The following LRRTM3 variants were observed in gnomAD, a reference collection of about 807,000 sequenced individuals.
LRRTM3 encodes the protein leucine-rich repeat transmembrane neuronal protein 3.
A neutral mutation model predicts 44.7 loss-of-function variants in LRRTM3; 24 were observed. The ratio of observed to expected loss-of-function variants is 0.54; its 90% confidence interval spans 0.39 to 0.76. The LOEUF is 0.76. Among genes scored for constraint, LRRTM3 ranks in the 30% least tolerant of loss-of-function variants. LRRTM3 has a pLI of 0.00. For missense variants in LRRTM3, 587 were observed against 702.2 expected (o/e 0.84, Z 1.85); for synonymous variants, 277 against 278.7 (o/e 0.99, Z 0.06).
At chr10:67,046,365 C>T (rs1239385133) in intron 2 of LRRTM3, among the ~76,000 whole-genome samples, 1 of 152,144 alleles carries the variant, frequency 6.6e-6, no homozygotes, top group East Asian at 1.9e-4. Context: ...TGTGAGCGAA[C>T]AGCTTTTGAT....
rs553662478 is a variant in LRRTM3 at position 66,983,409 on chromosome 10, G to A, written c.1536+54957G>A. Among the ~76,000 whole-genome samples, 14 of 152,078 alleles carry A rather than the reference G, an allele frequency of 9.2e-5. No individual in the cohort carries two copies. In the South Asian group the frequency reaches 1.2e-3, roughly 14 times the overall value. ...GTTTAGGCACTAGTGAGTTTTGTAC[G>A]GGTGCCCAGGCATCCCCAGATGGAG... On this transcript the variant is annotated intron_variant, in intron 2 of 2. Coordinates refer to ENST00000361320, the MANE Select transcript of LRRTM3 (RefSeq NM_178011.5).
intron 2 of LRRTM3, among the ~76,000 whole-genome samples, chr10:67,077,413 C>T (rs1246839455): frequency 6.6e-6 from 1 of 152,078 alleles, no homozygotes; most frequent in Non-Finnish European, 1.5e-5. Context: ...TTTTGAGTCC[C>T]ACCTGACCCA....
At chr10:67,041,422 C>T (rs1056974894) in intron 2 of LRRTM3, among the ~76,000 whole-genome samples, 1 of 152,032 alleles carries the variant, frequency 6.6e-6, no homozygotes, top group Admixed American at 6.6e-5. Context: ...TAACTGTATA[C>T]CTATGTTGCA....
At chr10:66,982,214 A>C (rs1589542909) in intron 2 of LRRTM3, among the ~76,000 whole-genome samples, 1 of 152,326 alleles carries the variant, frequency 6.6e-6, no homozygotes, top group Middle Eastern at 3.4e-3. Context: ...GAGCCCCTTT[A>C]AGGGCAGCCA....
intron 2 of LRRTM3, among the ~76,000 whole-genome samples, chr10:67,035,921 C>T (rs1854021226): frequency 6.6e-6 from 1 of 152,166 alleles, no homozygotes; most frequent in Non-Finnish European, 1.5e-5. Flanking sequence ...CTTTCACTTT[C>T]TCCTTTCTGA....
At chr10:67,057,542 TCA>T (rs1855513034) in intron 2 of LRRTM3, among the ~76,000 whole-genome samples, 2 of 152,304 alleles carry the variant, frequency 1.3e-5, no homozygotes, top group Admixed American at 1.3e-4. Context: ...CTGGCTTATT[TCA>T]CTTAGTATAA....
chr10:67,056,664 C>T (rs1227472119), intron 2 of LRRTM3, among the ~76,000 whole-genome samples: 1 of 152,062 alleles, frequency 6.6e-6, no homozygotes, highest in Non-Finnish European at 1.5e-5. Flanking sequence ...AAACACAAAC[C>T]CAACAGTCCT....
chr10:66,951,123 T>C (rs1211082337), intron 2 of LRRTM3, among the ~76,000 whole-genome samples: 1 of 142,812 alleles, frequency 7.0e-6, no homozygotes, highest in African/African-American at 2.5e-5. Flanking sequence ...ACACACTGTC[T>C]TTTTTTTTTT....
chr10:67,037,625 C>A (rs1489463197), intron 2 of LRRTM3, among the ~76,000 whole-genome samples: 1 of 151,966 alleles, frequency 6.6e-6, no homozygotes, highest in Non-Finnish European at 1.5e-5. Context: ...ATGATGAAAA[C>A]CTGAACTAAG....
chr10:66,970,868 T>C (rs1276193373), intron 2 of LRRTM3, among the ~76,000 whole-genome samples: 1 of 152,152 alleles, frequency 6.6e-6, no homozygotes, highest in Admixed American at 6.5e-5. Flanking sequence ...CTTCTGTTTT[T>C]CAAGATAATA....
Position 66,975,764 on chromosome 10 carries a change from C to T in LRRTM3, c.1536+47312C>T, listed in dbSNP as rs1849993944. On this transcript the variant is annotated intron_variant, in intron 2 of 2. Coordinates refer to ENST00000361320, the MANE Select transcript of LRRTM3 (RefSeq NM_178011.5). Reference sequence around the variant, plus strand: ...TTCTGCTCTTTATTCTTGGCTGTTTCCTCTATTTAGCACTCCTTTCTGTCT... The same window carrying T: ...TTCTGCTCTTTATTCTTGGCTGTTTTCTCTATTTAGCACTCCTTTCTGTCT... 5.3e-5 allele frequency among the ~76,000 whole-genome samples: 8 copies of T among 152,132 alleles called. No individual in the cohort carries two copies. In the South Asian group the frequency reaches 1.7e-3, roughly 32 times the overall value.
Position 67,032,785 on chromosome 10 carries a change from T to C in LRRTM3, c.1537-64802T>C, listed in dbSNP as rs188808240. On this transcript the variant is annotated intron_variant, in intron 2 of 2. Transcript: ENST00000361320. ...CAAAAGCAATTTTCCTTTTTTTATGTGTTCTCAGTTCAATTAGCTCCCCTA... is the reference window on the plus strand; with the variant it reads ...CAAAAGCAATTTTCCTTTTTTTATGCGTTCTCAGTTCAATTAGCTCCCCTA... Among the ~76,000 whole-genome samples the C allele has an allele frequency of 4.6e-3, 704 of 152,322 alleles. 7 individuals are homozygous for C. The highest frequency in any genetic ancestry group is 0.03 in the South Asian group (143 of 4,830).
At chr10:67,052,824 G>A (rs1855194889) in intron 2 of LRRTM3, 1 of 151,856 alleles carries the variant, frequency 6.6e-6, no homozygotes, top group Non-Finnish European at 1.5e-5. Context: ...TGATTCTGCT[G>A]AATGAAAACA....
At chr10:66,934,387 G>C (rs1188342331) in intron 2 of LRRTM3, among the ~76,000 whole-genome samples, 1 of 151,880 alleles carries the variant, frequency 6.6e-6, no homozygotes, top group African/African-American at 2.4e-5. Context: ...ACCAAAAAAT[G>C]TCTTCCTTTA....
At chr10:66,949,347 G>A (rs1189134248) in intron 2 of LRRTM3, among the ~76,000 whole-genome samples, 1 of 151,914 alleles carries the variant, frequency 6.6e-6, no homozygotes, top group African/African-American at 2.4e-5. Context: ...ACCTGAGGTC[G>A]GGAGTTGGAG....
chr10:66,961,861 TC>T (rs907303621), intron 2 of LRRTM3, among the ~76,000 whole-genome samples: 33 of 152,292 alleles, frequency 2.2e-4, no homozygotes, highest in African/African-American at 7.9e-4. Flanking sequence ...TCTAATATTC[TC>T]CAGTCCAGTT....
intron 2 of LRRTM3, among the ~76,000 whole-genome samples, chr10:66,945,814 G>C (rs1468621978): frequency 6.6e-6 from 1 of 152,122 alleles, no homozygotes; most frequent in African/African-American, 2.4e-5. Flanking sequence ...CAACTTTGAT[G>C]TGTCTCAGGG....
intron 2 of LRRTM3, among the ~76,000 whole-genome samples, chr10:66,981,887 A>G (rs1408697922): frequency 6.6e-6 from 1 of 152,162 alleles, no homozygotes. Flanking sequence ...ACTTGCTCCC[A>G]AAGTTGCATC....
At chr10:67,074,034 C>CTTTTTTTTT (rs35411851) in intron 2 of LRRTM3, among the ~76,000 whole-genome samples, 1 of 109,436 alleles carries the variant, frequency 9.1e-6, no homozygotes, top group African/African-American at 3.5e-5. Flanking sequence ...CATTTTAACT[C>CTTTTTTTTT]TTTTTTTTTT....
Sources: allele counts gnomAD v4.1 joint callset (sites outside exome capture counted in the v4.1 genomes callset), GRCh38; gene constraint gnomAD v4.1.1; transcripts MANE v1.5; gene names NCBI Gene and HGNC (gene_info 2026-07-23, HGNC 2026-07-21).